DCUN1D3: variants seen among roughly 807,000 people sequenced by gnomAD.
The protein encoded by DCUN1D3 is DCN1-like protein 3.
A neutral mutation model predicts 24.8 loss-of-function variants in DCUN1D3; 6 were observed. The observed-to-expected ratio is 0.24, with a 90% CI of 0.13 to 0.48. The LOEUF (loss-of-function observed/expected upper bound fraction) is 0.48, where lower values mean the gene tolerates loss of function less well. Among genes scored for constraint, DCUN1D3 ranks in the 20% least tolerant of loss-of-function variants. DCUN1D3 has a pLI of 0.99. For missense variants in DCUN1D3, 258 were observed against 379.4 expected (o/e 0.68, Z 2.66); for synonymous variants, 120 against 144.9 (o/e 0.83, Z 1.24).
intron 1 of DCUN1D3, among the ~76,000 whole-genome samples, chr16:20,878,697 T>C (rs1420186729): frequency 2.0e-5 from 3 of 152,246 alleles, no homozygotes; most frequent in Non-Finnish European, 4.4e-5. Flanking sequence ...CAAGGACTCA[T>C]GGCCAGTGTT....
intron 1 of DCUN1D3, among the ~76,000 whole-genome samples, chr16:20,871,757 A>G (rs1049136673): frequency 1.3e-5 from 2 of 152,198 alleles, no homozygotes; most frequent in Admixed American, 1.3e-4. Context: ...GGGCTATATC[A>G]TTTCACTGAC....
intron 1 of DCUN1D3, among the ~76,000 whole-genome samples, chr16:20,882,036 T>C (rs941474270): frequency 1.3e-5 from 2 of 151,890 alleles, no homozygotes; most frequent in Non-Finnish European, 2.9e-5. Context: ...CTCCTGACCT[T>C]GTGATCTGCC....
At chr16:20,877,073 A>G (rs1279422940) in intron 1 of DCUN1D3, among the ~76,000 whole-genome samples, 3 of 152,204 alleles carry the variant, frequency 2.0e-5, no homozygotes, top group Non-Finnish European at 4.4e-5. Flanking sequence ...ACATTTCAAA[A>G]TAGGTGGAAG....
At chr16:20,897,048 C>T (rs1276279448) in intron 1 of DCUN1D3, among the ~76,000 whole-genome samples, 6 of 152,164 alleles carry the variant, frequency 3.9e-5, no homozygotes, top group African/African-American at 7.2e-5. Flanking sequence ...ATTTCTGATT[C>T]GTTTTCCCCA....
rs754541715 is a variant in DCUN1D3 at position 20,862,331 on chromosome 16, T to A, written c.208A>T (p.Thr70Ser). ...TCCCTCCCAGCATCTCCCGAGGACG[T>A]TGGCAGCTGGCAGGCCTCAGTGGCA... ...EAATEACQLP[T>S]SSGDAGRESK... Residue 70 changes from threonine to serine, a missense_variant, in exon 2 of 3, where the codon ACG (threonine) becomes TCG (serine). Thr to Ser is a moderately conservative substitution (Grantham distance 58, BLOSUM62 1). Transcript: ENST00000324344. 2.3e-5 allele frequency: 37 copies of A among 1,614,118 alleles called. No individual in the cohort carries two copies. The highest frequency in any genetic ancestry group is 6.6e-5 in the South Asian group (6 of 91,088).
At chr16:20,874,698 C>T (rs564846623) in intron 1 of DCUN1D3, among the ~76,000 whole-genome samples, 38 of 152,102 alleles carry the variant, frequency 2.5e-4, no homozygotes, top group Non-Finnish European at 5.3e-4. Flanking sequence ...TTTTACATGC[C>T]GAAGAGCCTA....
At chr16:20,865,351 TATTA>T (rs2081756471) in intron 1 of DCUN1D3, among the ~76,000 whole-genome samples, 1 of 152,320 alleles carries the variant, frequency 6.6e-6, no homozygotes, top group East Asian at 1.9e-4. Flanking sequence ...CATGGTGGTT[TATTA>T]ATTATTTATA....
intron 1 of DCUN1D3, among the ~76,000 whole-genome samples, chr16:20,882,981 G>A (rs1189408662): frequency 6.9e-6 from 1 of 145,836 alleles, no homozygotes; most frequent in African/African-American, 2.6e-5. Flanking sequence ...TGTACAGGTT[G>A]AGTATCCCTT....
intron 1 of DCUN1D3, among the ~76,000 whole-genome samples, chr16:20,870,519 C>T (rs2081783188): frequency 6.6e-6 from 1 of 152,148 alleles, no homozygotes. Context: ...TGCATGTTGG[C>T]TACTACTAAT....
chr16:20,860,510 C>G lies in DCUN1D3; in HGVS notation c.432-141G>C. 1.1e-6 allele frequency: 1 copy of G among 898,346 alleles called. No individual in the cohort carries two copies. Among genetic ancestry groups the G allele is most frequent in the Non-Finnish European group, 1.6e-6 (1 of 610,756 alleles). 55.6% of individuals were successfully genotyped at this position (898,346 alleles called of 1,614,324 possible). Reference sequence around the variant, plus strand: ...CTCCTCCAACTAATTAGTCCTATTTCCTTACTTGTCAAATGGTAAAAATAC... The same window carrying G: ...CTCCTCCAACTAATTAGTCCTATTTGCTTACTTGTCAAATGGTAAAAATAC... On this transcript the variant is annotated intron_variant, in intron 2 of 2. Transcript: ENST00000324344. The surrounding 1 kb of genome is among the most constrained non-coding windows in gnomAD (Gnocchi z 4.3).
At chr16:20,892,638 T>G (rs1227854580) in intron 1 of DCUN1D3, among the ~76,000 whole-genome samples, 2 of 152,134 alleles carry the variant, frequency 1.3e-5, no homozygotes, top group East Asian at 3.8e-4. Flanking sequence ...CTCTTCAAAT[T>G]CCAGGGCAGG....
chr16:20,887,770 AATCT>A (rs1478000621), intron 1 of DCUN1D3, among the ~76,000 whole-genome samples: 1 of 152,212 alleles, frequency 6.6e-6, no homozygotes, highest in African/African-American at 2.4e-5. Flanking sequence ...GGCTGAAATA[AATCT>A]ATTTCTTTTC....
chr16:20,877,133 G>A (rs1205617794), intron 1 of DCUN1D3, among the ~76,000 whole-genome samples: 1 of 152,066 alleles, frequency 6.6e-6, no homozygotes, highest in African/African-American at 2.4e-5. Flanking sequence ...TATTTAAGGT[G>A]ATATAATATC....
At position 20,858,463 on chromosome 16, in the gene DCUN1D3, C is replaced by T. The variant is rs1248376530; in HGVS notation, c.*1423G>A. On this transcript the variant is annotated 3_prime_UTR_variant, in exon 3 of 3. Coordinates refer to ENST00000324344, the MANE Select transcript of DCUN1D3 (RefSeq NM_173475.4). ...ATACTTTATACATTGAAGGCAGCTC[C>T]CTCTTTTATGGCCAGTATAAGCAGG... The T allele has an allele frequency of 6.6e-6, 1 of 151,824 alleles. No individual in the cohort carries two copies. Among genetic ancestry groups the T allele is most frequent in the Non-Finnish European group, 1.5e-5 (1 of 67,938 alleles). 9.4% of individuals were successfully genotyped at this position (151,824 alleles called of 1,614,324 possible).
intron 1 of DCUN1D3, among the ~76,000 whole-genome samples, chr16:20,898,742 G>C (rs2081933746): frequency 6.6e-6 from 1 of 152,130 alleles, no homozygotes; most frequent in African/African-American, 2.4e-5. Context: ...CTAATCAAAG[G>C]ACTCCGAAAA....
rs762228932 is a variant in DCUN1D3, at chr16:20,862,308, C to T, written c.231G>A (p.Arg77=). ...ACTCCTCGGCATTGGACTTGGACTC[C>T]CTCCCAGCATCTCCCGAGGACGTTG... The part of the protein sequence containing the change: ...QLPTSSGDAG[R]ESKSNAEESS... The change falls in exon 2 of 3, where the codon AGG becomes AGA. Residue 77 remains arginine (R), a synonymous_variant. Transcript: ENST00000324344. The T allele has an allele frequency of 4.5e-5, 72 of 1,614,102 alleles. No individual in the cohort carries two copies. The highest frequency in any genetic ancestry group is 6.0e-5 in the Non-Finnish European group (71 of 1,180,048).
chr16:20,885,261 C>G (rs1327900203), intron 1 of DCUN1D3, among the ~76,000 whole-genome samples: 1 of 152,172 alleles, frequency 6.6e-6, no homozygotes, highest in African/African-American at 2.4e-5. Context: ...CAGGTGTGAG[C>G]CATTGCACCC....
At chr16:20,883,337 C>T (rs2081853932) in intron 1 of DCUN1D3, among the ~76,000 whole-genome samples, 1 of 152,052 alleles carries the variant, frequency 6.6e-6, no homozygotes, top group Admixed American at 6.6e-5. Context: ...ACGGTGAAAC[C>T]CCGTCTCTAC....
chr16:20,899,570 G>C (rs761141916), intron 1 of DCUN1D3, among the ~76,000 whole-genome samples: 3 of 152,126 alleles, frequency 2.0e-5, no homozygotes, highest in Non-Finnish European at 4.4e-5. Context: ...CTCAGCCACA[G>C]AGAATTAAAG....
Sources: gnomAD v4.1 joint callset for allele counts (sites outside exome capture counted in the v4.1 genomes callset) on GRCh38, gnomAD v4.1.1 for gene constraint, Gnocchi (gnomAD v3.1) non-coding constraint, MANE v1.5 for transcripts, NCBI Gene and HGNC (gene_info 2026-07-23, HGNC 2026-07-21) for gene names.